SMYD3: variants seen among roughly 807,000 people sequenced by gnomAD.
SMYD3 encodes the protein histone-lysine N-methyltransferase SMYD3.
In SMYD3, 36 loss-of-function variants were observed where a neutral mutation model predicts 57.7. That is an observed-to-expected ratio of 0.62 (90% confidence interval 0.48 to 0.82). The LOEUF is 0.82. SMYD3 is among the 40% of genes least tolerant of loss of function. The probability of loss-of-function intolerance (pLI) is 0.00; values close to 1 mark genes in which losing one functional copy is unlikely to be tolerated. For synonymous variants in SMYD3, 211 were observed against 195.0 expected, an observed-to-expected ratio of 1.08 and a Z score of -0.68; for missense variants, 515 against 538.8, an observed-to-expected ratio of 0.96 and a Z score of 0.44.
chr1:246,310,871 T>C (rs369969044), intron 5 of SMYD3, among the ~76,000 whole-genome samples: 3 of 152,190 alleles, frequency 2.0e-5, no homozygotes, highest in East Asian at 1.9e-4. Flanking sequence ...GGTTTCACCA[T>C]GTTGGCCAGG....
chr1:246,238,846 G>A (rs1163244836), intron 5 of SMYD3, among the ~76,000 whole-genome samples: 1 of 148,014 alleles, frequency 6.8e-6, no homozygotes, highest in African/African-American at 2.5e-5. Context: ...TTAACAAATA[G>A]TTTTGGCTAC....
At chr1:246,400,048 T>C (rs1425916017) in intron 1 of SMYD3, among the ~76,000 whole-genome samples, 1 of 152,202 alleles carries the variant, frequency 6.6e-6, no homozygotes, top group East Asian at 1.9e-4. Flanking sequence ...CTCTGTTTCA[T>C]CTTTCTCTGT....
At chr1:245,984,133 G>C (rs906465335) in intron 5 of SMYD3, among the ~76,000 whole-genome samples, 10 of 151,918 alleles carry the variant, frequency 6.6e-5, no homozygotes, top group Admixed American at 2.6e-4. Flanking sequence ...CCAAGTAGCT[G>C]GGATTACAGG....
intron 5 of SMYD3, among the ~76,000 whole-genome samples, chr1:246,180,663 G>A (rs559391655): frequency 2.0e-5 from 3 of 147,900 alleles, no homozygotes; most frequent in East Asian, 4.2e-4. Flanking sequence ...AGAGGCTAAC[G>A]CAGGAGAACA....
At chr1:245,986,181 C>A (rs1371826596) in intron 5 of SMYD3, among the ~76,000 whole-genome samples, 2 of 139,108 alleles carry the variant, frequency 1.4e-5, no homozygotes, top group African/African-American at 5.0e-5. Flanking sequence ...CATGTTTCAT[C>A]TCTTGTTTAC....
rs191543680 is a variant in SMYD3 at position 246,454,363 on chromosome 1, T to C, written c.164+52691A>G. Among the ~76,000 whole-genome samples, 22 of 152,240 alleles carry C rather than the reference T, an allele frequency of 1.4e-4. No homozygotes were observed. The East Asian group carries it at 3.9e-3, about 27-fold the overall frequency. On this transcript the variant is annotated intron_variant, in intron 1 of 11. Coordinates refer to ENST00000490107, the MANE Select transcript of SMYD3 (RefSeq NM_001167740.2). ...AGGTATGATTCCATCAAGAGAAATA[T>C]TTATTATATGCTTGGAGAAACAAAC...
chr1:246,288,182 T>C (rs1350265434), intron 5 of SMYD3, among the ~76,000 whole-genome samples: 1 of 150,162 alleles, frequency 6.7e-6, no homozygotes, highest in Non-Finnish European at 1.5e-5. Context: ...CAAGCGATTC[T>C]TCTGCCTCAG....
At chr1:246,300,821 A>T (rs969894787) in intron 5 of SMYD3, among the ~76,000 whole-genome samples, 10 of 152,174 alleles carry the variant, frequency 6.6e-5, no homozygotes, top group African/African-American at 2.4e-4. Flanking sequence ...GTTGGCTCTT[A>T]TCCTTCTCAA....
At chr1:246,282,917 T>C (rs2064485430) in intron 5 of SMYD3, among the ~76,000 whole-genome samples, 1 of 152,158 alleles carries the variant, frequency 6.6e-6, no homozygotes, top group South Asian at 2.1e-4. Context: ...CAAACAAGAA[T>C]AAATAATCCC....
At chr1:246,190,499 C>T (rs1328403860) in intron 5 of SMYD3, among the ~76,000 whole-genome samples, 5 of 145,932 alleles carry the variant, frequency 3.4e-5, no homozygotes, top group East Asian at 2.0e-4. Context: ...GCAGGAGAAT[C>T]GCTTGAACCC....
intron 1 of SMYD3, among the ~76,000 whole-genome samples, chr1:246,427,223 G>A (rs942499551): frequency 2.0e-5 from 3 of 152,184 alleles, no homozygotes; most frequent in African/African-American, 7.2e-5. Flanking sequence ...AAGACCTAAA[G>A]GACTTCTAAT....
chr1:246,149,779 C>G (rs1475175069), intron 5 of SMYD3, among the ~76,000 whole-genome samples: 2 of 152,152 alleles, frequency 1.3e-5, no homozygotes, highest in Non-Finnish European at 2.9e-5. Flanking sequence ...AATCCTCATC[C>G]CTTTCAAAAT....
At chr1:245,873,611 T>C (rs1057248481) in intron 8 of SMYD3, among the ~76,000 whole-genome samples, 2 of 152,220 alleles carry the variant, frequency 1.3e-5, no homozygotes, top group African/African-American at 2.4e-5. Context: ...ATTTTCTTCT[T>C]TGAGGACAGA....
At chr1:246,333,498 T>C (rs1426698421) in intron 3 of SMYD3, among the ~76,000 whole-genome samples, 11 of 152,150 alleles carry the variant, frequency 7.2e-5, no homozygotes, top group Admixed American at 2.0e-4. Context: ...TCGCAAACTA[T>C]GCAGCCAACA....
At chr1:246,263,539 T>A (rs1047463653) in intron 5 of SMYD3, among the ~76,000 whole-genome samples, 1 of 152,214 alleles carries the variant, frequency 6.6e-6, no homozygotes, top group Non-Finnish European at 1.5e-5. Flanking sequence ...TGCTCCTGAA[T>A]GAGCTGATCT....
chr1:246,239,584 A>G (rs2063570713), intron 5 of SMYD3, among the ~76,000 whole-genome samples: 1 of 152,202 alleles, frequency 6.6e-6, no homozygotes, highest in South Asian at 2.1e-4. Flanking sequence ...AGCATGATTT[A>G]TACTCCTTTG....
chr1:245,923,718 T>TG (rs2056157036), intron 7 of SMYD3, among the ~76,000 whole-genome samples: 1 of 152,174 alleles, frequency 6.6e-6, no homozygotes, highest in African/African-American at 2.4e-5. Context: ...ATCACTCGAG[T>TG]GCTCCTGCTC....
intron 8 of SMYD3, among the ~76,000 whole-genome samples, chr1:245,887,312 C>T (rs1259918588): frequency 6.6e-6 from 1 of 152,156 alleles, no homozygotes. Context: ...GGAAGTTACC[C>T]TATATGGTCT....
rs530711614 is a variant in SMYD3 at position 246,313,012 on chromosome 1, T to A, written c.531+14189A>T. On this transcript the variant is annotated intron_variant, in intron 5 of 11. Transcript: ENST00000490107. ...TCACTGCAACCTCTACCTCCCAGGC[T>A]CGAGCGATCCTCCCACCTCAGCCTC... Among the ~76,000 whole-genome samples, 4 of 152,164 alleles carry A rather than the reference T, an allele frequency of 2.6e-5. No homozygotes were observed. In the South Asian group the frequency reaches 8.3e-4, roughly 32 times the overall value.
Sources: gnomAD v4.1 joint callset for allele counts (sites outside exome capture counted in the v4.1 genomes callset) on GRCh38, gnomAD v4.1.1 for gene constraint, MANE v1.5 for transcripts, NCBI Gene and HGNC (gene_info 2026-07-23, HGNC 2026-07-21) for gene names.